The following TBC1D19 variants were observed in gnomAD, a reference collection of about 807,000 sequenced individuals.
TBC1D19 encodes the protein TBC1 domain family member 19, also known as TBC1 domain family, member 19.
In TBC1D19, 60 loss-of-function variants were observed where a neutral mutation model predicts 89.0. That is an observed-to-expected ratio of 0.67 (90% CI 0.55 to 0.84). The LOEUF is 0.84. Ranked by LOEUF, TBC1D19 falls within the 40% of genes least tolerant of loss-of-function variation. TBC1D19 has a pLI of 0.00. For missense variants in TBC1D19, 500 were observed against 610.8 expected (o/e 0.82, Z 1.91); for synonymous variants, 189 against 199.7 (o/e 0.95, Z 0.45).
the TBC1D19 span, among the ~76,000 whole-genome samples, chr4:26,837,801 T>C: frequency 3.9e-4 from 60 of 151,944 alleles, 1 homozygote; most frequent in South Asian, 0.013. Flanking sequence ...AAGGATGAAA[T>C]GTTGGAGGTA....
At chr4:26,710,114 T>C (rs1482147772) in intron 13 of TBC1D19, among the ~76,000 whole-genome samples, 1 of 151,970 alleles carries the variant, frequency 6.6e-6, no homozygotes, top group African/African-American at 2.4e-5. Flanking sequence ...ATGTGCCATG[T>C]TGGTGTGCTG....
chr4:26,720,018 A>T, intron 14 of TBC1D19, 63 bp from the exon 15 acceptor site: 6 of 1,383,604 alleles, frequency 4.3e-6, no homozygotes, highest in Non-Finnish European at 5.9e-6. Flanking sequence ...TCACAAAATA[A>T]GTTGATTTTT....
intron 15 of TBC1D19, among the ~76,000 whole-genome samples, chr4:26,723,866 T>A (rs1042223952): frequency 6.6e-6 from 1 of 152,092 alleles, no homozygotes; most frequent in Non-Finnish European, 1.5e-5. Flanking sequence ...ATAAAATCAG[T>A]CAATCATCAG....
At chr4:26,850,553 AAAAAAAAAAG>A in the TBC1D19 span, among the ~76,000 whole-genome samples, 6 of 150,614 alleles carry the variant, frequency 4.0e-5, no homozygotes, top group South Asian at 2.1e-4. Context: ...AAAAAAAAAA[AAAAAAAAAAG>A]AAGAAGAAGA....
chr4:26,774,117 G>A, the TBC1D19 span, among the ~76,000 whole-genome samples: 1 of 152,150 alleles, frequency 6.6e-6, no homozygotes, highest in African/African-American at 2.4e-5. Flanking sequence ...AGCCTTTTGG[G>A]GGGCAGGGCT....
At chr4:26,714,709 A>G (rs1446851429) in intron 13 of TBC1D19, among the ~76,000 whole-genome samples, 1 of 152,124 alleles carries the variant, frequency 6.6e-6, no homozygotes, top group East Asian at 1.9e-4. Flanking sequence ...ACAGATTATT[A>G]GAACTATAGA....
At chr4:26,780,277 C>A in the TBC1D19 span, among the ~76,000 whole-genome samples, 1 of 152,168 alleles carries the variant, frequency 6.6e-6, no homozygotes, top group Non-Finnish European at 1.5e-5. Context: ...ATGACATTTT[C>A]CTAAGCACTA....
the TBC1D19 span, among the ~76,000 whole-genome samples, chr4:26,851,855 A>G: frequency 6.6e-6 from 1 of 152,232 alleles, no homozygotes; most frequent in Non-Finnish European, 1.5e-5. Context: ...AGCTGGGACT[A>G]CAGGCGTGTG....
the TBC1D19 span, among the ~76,000 whole-genome samples, chr4:26,851,304 C>CCTCTCTATCTATCTATCTGTCTGTCTGT: frequency 1.3e-4 from 19 of 146,972 alleles, no homozygotes; most frequent in Admixed American, 2.7e-4. Context: ...TAATAAATAC[C>CCTCTCTATCTATCTATCTGTCTGTCTGT]CTATCTATCT....
intron 13 of TBC1D19, among the ~76,000 whole-genome samples, chr4:26,705,993 C>A (rs1467941935): frequency 1.3e-5 from 2 of 152,014 alleles, no homozygotes; most frequent in Non-Finnish European, 2.9e-5. Context: ...ATGCACTGTA[C>A]CCTTGGACTC....
chr4:26,630,299 A>G (rs1742728695), intron 4 of TBC1D19, among the ~76,000 whole-genome samples: 1 of 151,960 alleles, frequency 6.6e-6, no homozygotes. Context: ...TCATTTAGAG[A>G]GGATATAGGT....
chr4:26,776,167 G>A, the TBC1D19 span, among the ~76,000 whole-genome samples: 2 of 152,122 alleles, frequency 1.3e-5, no homozygotes, highest in East Asian at 1.9e-4. Context: ...CAATCTGATC[G>A]TTAGGTCTAA....
the TBC1D19 span, among the ~76,000 whole-genome samples, chr4:26,771,686 G>A: frequency 3.7e-3 from 561 of 151,718 alleles, 3 homozygotes; most frequent in Middle Eastern, 0.014. Flanking sequence ...TTTTTCAATA[G>A]TATAAAGCTT....
Position 26,656,653 on chromosome 4 carries a change from G to A in TBC1D19, c.481-2944G>A, listed in dbSNP as rs369187557. On this transcript the variant is annotated intron_variant, in intron 7 of 20. Transcript: ENST00000264866. ...GGCTCACTGTAACCTCCCCCTCCCG[G>A]GTTAAAGCAATTCTCCTGCCTCAGC... Among the ~76,000 whole-genome samples, 32 of 151,848 alleles carry A rather than the reference G, an allele frequency of 2.1e-4. No individual in the cohort carries two copies. The East Asian group carries it at 5.5e-3, about 26-fold the overall frequency.
At chr4:26,679,869 G>A (rs1236477080) in intron 11 of TBC1D19, among the ~76,000 whole-genome samples, 2 of 152,214 alleles carry the variant, frequency 1.3e-5, no homozygotes, top group Admixed American at 6.5e-5. Context: ...GAGGACACGA[G>A]ATTTGGGAGG....
At chr4:26,673,446 T>TATATATATATATATATACAC (rs373807642) in intron 10 of TBC1D19, among the ~76,000 whole-genome samples, 23 of 90,870 alleles carry the variant, frequency 2.5e-4, no homozygotes, top group African/African-American at 3.8e-4. Flanking sequence ...TATATATATA[T>TATATATATATATATATACAC]ACACACACAC....
intron 11 of TBC1D19, among the ~76,000 whole-genome samples, chr4:26,679,380 T>C (rs2109129579): frequency 6.6e-6 from 1 of 152,300 alleles, no homozygotes; most frequent in East Asian, 1.9e-4. Flanking sequence ...ACTTGGCAGC[T>C]TCCATGTGGT....
At chr4:26,730,392 T>C (rs1717582783) in intron 15 of TBC1D19, among the ~76,000 whole-genome samples, 1 of 152,208 alleles carries the variant, frequency 6.6e-6, no homozygotes. Flanking sequence ...TCAAATATTG[T>C]GCTAATCATA....
At chr4:26,823,935 A>C in the TBC1D19 span, among the ~76,000 whole-genome samples, 1 of 152,136 alleles carries the variant, frequency 6.6e-6, no homozygotes, top group Non-Finnish European at 1.5e-5. Flanking sequence ...TTAGTGAGCC[A>C]CCCGGGCTGA....
Sources: gnomAD v4.1 joint callset for allele counts (sites outside exome capture counted in the v4.1 genomes callset) on GRCh38, gnomAD v4.1.1 for gene constraint, MANE v1.5 for transcripts, NCBI Gene and HGNC (gene_info 2026-07-23, HGNC 2026-07-21) for gene names.